The following THAP12 variants were observed in gnomAD, a reference collection of about 807,000 sequenced individuals.
THAP12 encodes 52 kDa repressor of the inhibitor of the protein kinase.
A neutral mutation model predicts 63.0 loss-of-function variants in THAP12; 20 were observed. That is an observed-to-expected ratio of 0.32 (90% CI 0.22 to 0.46). The LOEUF (loss-of-function observed/expected upper bound fraction) is 0.46. THAP12 is among the 20% of genes least tolerant of loss of function. The pLI is 1.00. For synonymous variants in THAP12, 264 were observed against 328.4 expected (o/e 0.80, Z 2.12); for missense variants, 568 against 908.2 (o/e 0.63, Z 4.81).
At chr11:76,366,680 CGG>C (rs1377769273) in intron 1 of THAP12, among the ~76,000 whole-genome samples, 6 of 146,200 alleles carry the variant, frequency 4.1e-5, no homozygotes, top group Non-Finnish European at 7.5e-5. Flanking sequence ...GACTCCGTCT[CGG>C]AAAAAAAAAA....
Position 76,377,706 on chromosome 11 carries a change from G to T in THAP12, c.89+3042C>A, listed in dbSNP as rs931928967. ...GCGAATAGTGCTGCTATGAATGTGT[G>T]TACATTTGGTTTTTTTGAATATCAG... On this transcript the variant is annotated intron_variant, in intron 1 of 4. Coordinates refer to ENST00000260045, the MANE Select transcript of THAP12 (RefSeq NM_004705.4). Among the ~76,000 whole-genome samples, 5 of 152,178 alleles carry T rather than the reference G, an allele frequency of 3.3e-5. No homozygotes were observed. In the East Asian group the frequency reaches 7.7e-4, roughly 23 times the overall value.
At chr11:76,371,652 T>A (rs1192361123) in intron 1 of THAP12, among the ~76,000 whole-genome samples, 1 of 151,944 alleles carries the variant, frequency 6.6e-6, no homozygotes, top group Non-Finnish European at 1.5e-5. Flanking sequence ...TTGGACTGCA[T>A]CCACTTATCT....
intron 3 of THAP12, 49 bp from the exon 4 acceptor site, chr11:76,355,703 T>C: frequency 6.9e-7 from 1 of 1,448,330 alleles, no homozygotes; most frequent in Non-Finnish European, 9.4e-7. Flanking sequence ...TTTAAAAAAC[T>C]GACCTCTAGT....
At chr11:76,366,394 A>G (rs1043317246) in intron 1 of THAP12, among the ~76,000 whole-genome samples, 5 of 152,214 alleles carry the variant, frequency 3.3e-5, no homozygotes, top group Non-Finnish European at 7.3e-5. Context: ...GTAGAAAATC[A>G]GCAATTAGGC....
In THAP12 at chr11:76,380,738, C is replaced by G; in HGVS notation, c.89+10G>C. On this transcript the variant is annotated intron_variant, in intron 1 of 4. Coordinates refer to ENST00000260045, the MANE Select transcript of THAP12 (RefSeq NM_004705.4). ...GGGCCCGGGCCGCCCGCTCTGCGCC[C>G]GCCGCTTACCTGGCAGGGTCCCGCG... The G allele has an allele frequency of 4.9e-6, 7 of 1,430,844 alleles. No homozygotes were observed. Among genetic ancestry groups the G allele is most frequent in the Non-Finnish European group, 6.5e-6 (7 of 1,083,212 alleles). The allele number at this position is 1,430,844 out of a possible 1,614,324, so 88.6% of individuals were successfully genotyped here. A position where few individuals can be genotyped will look rare whatever the true frequency, so the allele number is the denominator to read the frequency against.
At chr11:76,357,328 T>C (rs1456458083) in intron 3 of THAP12, 1 of 152,102 alleles carries the variant, frequency 6.6e-6, no homozygotes, top group Non-Finnish European at 1.5e-5. Context: ...TGGAGGACTG[T>C]AATGTAAGTG....
intron 1 of THAP12, among the ~76,000 whole-genome samples, chr11:76,378,403 C>A (rs920922308): frequency 6.6e-6 from 1 of 151,932 alleles, no homozygotes; most frequent in Admixed American, 6.6e-5. Context: ...GCAGCCTGGG[C>A]AACAGAGTGA....
chr11:76,376,681 A>T (rs1385062560), intron 1 of THAP12, among the ~76,000 whole-genome samples: 1 of 148,820 alleles, frequency 6.7e-6, no homozygotes, highest in African/African-American at 2.5e-5. Context: ...AGGGATAATA[A>T]CCCTAAAAAT....
chr11:76,365,251 G>A (rs1370601409), intron 2 of THAP12, among the ~76,000 whole-genome samples: 17 of 148,836 alleles, frequency 1.1e-4, no homozygotes, highest in East Asian at 3.9e-4. Context: ...CTAAGATAGC[G>A]CCACTGCACT....
At chr11:76,369,827 A>C (rs1035168524) in intron 1 of THAP12, among the ~76,000 whole-genome samples, 1 of 152,254 alleles carries the variant, frequency 6.6e-6, no homozygotes, top group African/African-American at 2.4e-5. Context: ...TGACCCCCTC[A>C]TGGGAAAGAC....
chr11:76,355,012 C>CTT (rs1182780132), intron 4 of THAP12, among the ~76,000 whole-genome samples: 1 of 152,136 alleles, frequency 6.6e-6, no homozygotes, highest in Non-Finnish European at 1.5e-5. Flanking sequence ...AAGTAAAGCA[C>CTT]TTAGAACAAT....
At chr11:76,378,965 C>A (rs1424246975) in intron 1 of THAP12, among the ~76,000 whole-genome samples, 1 of 152,130 alleles carries the variant, frequency 6.6e-6, no homozygotes, top group Non-Finnish European at 1.5e-5. Flanking sequence ...TCTAGTATTC[C>A]TCTACCAAAC....
At chr11:76,378,419 T>C (rs2134520035) in intron 1 of THAP12, among the ~76,000 whole-genome samples, 1 of 152,088 alleles carries the variant, frequency 6.6e-6, no homozygotes, top group South Asian at 2.1e-4. Context: ...AGTGAGACTC[T>C]CAAAAAAAAC....
chr11:76,367,410 G>A (rs971591231), intron 1 of THAP12, among the ~76,000 whole-genome samples: 4 of 148,798 alleles, frequency 2.7e-5, no homozygotes, highest in Admixed American at 6.8e-5. Context: ...AAGTTCTGCC[G>A]TGGATAAACA....
At chr11:76,367,501 C>A (rs576820478) in intron 1 of THAP12, among the ~76,000 whole-genome samples, 19 of 152,214 alleles carry the variant, frequency 1.2e-4, no homozygotes, top group Middle Eastern at 3.2e-3. Context: ...CAGCTCACTG[C>A]AACCTCTGCC....
chr11:76,380,132 G>C (rs1403988430), intron 1 of THAP12, among the ~76,000 whole-genome samples: 2 of 152,164 alleles, frequency 1.3e-5, no homozygotes, highest in African/African-American at 4.8e-5. Flanking sequence ...CGAAGGAAGA[G>C]GTTCCAATAC....
chr11:76,350,782 T>G lies in THAP12; in HGVS notation c.*82A>C, dbSNP rs534939566. The G allele has an allele frequency of 4.6e-5, 64 of 1,394,706 alleles. No individual in the cohort carries two copies. In the East Asian group the frequency reaches 1.5e-3, roughly 34 times the overall value. The allele number at this position is 1,394,706 out of a possible 1,614,324, so 86.4% of individuals were successfully genotyped here. On this transcript the variant is annotated 3_prime_UTR_variant, in exon 5 of 5. Transcript: ENST00000260045. ...AATGGAGTCCTATAGGCAAAGATAT[T>G]TAGTGATTAAGTGGTCTACATACAC...
At chr11:76,359,250 TA>T (rs1946581271) in intron 3 of THAP12, 1 of 152,232 alleles carries the variant, frequency 6.6e-6, no homozygotes, top group Non-Finnish European at 1.5e-5. Flanking sequence ...TCTGTACTCC[TA>T]AAAGTATTCT....
chr11:76,372,715 G>A (rs1240444126), intron 1 of THAP12, among the ~76,000 whole-genome samples: 1 of 152,060 alleles, frequency 6.6e-6, no homozygotes, highest in African/African-American at 2.4e-5. Context: ...GGGAGACCTT[G>A]TCTCTATAAA....
Sources: allele counts gnomAD v4.1 joint callset (sites outside exome capture counted in the v4.1 genomes callset), GRCh38; gene constraint gnomAD v4.1.1; transcripts MANE v1.5; gene names NCBI Gene and HGNC (gene_info 2026-07-23, HGNC 2026-07-21).